PREX2: variants seen among roughly 807,000 people sequenced by gnomAD.
The protein encoded by PREX2 is phosphatidylinositol 3,4,5-trisphosphate-dependent Rac exchanger 2 protein.
PREX2 carries 107 observed loss-of-function variants against 203.2 expected under a neutral mutation model. The observed-to-expected ratio is 0.53, with a 90% CI of 0.45 to 0.62. The LOEUF (loss-of-function observed/expected upper bound fraction) is 0.62, where lower values mean the gene tolerates loss of function less well. Among genes scored for constraint, PREX2 ranks in the 20% least tolerant of loss-of-function variants. PREX2 has a pLI of 0.00. For synonymous variants in PREX2, 672 were observed against 663.6 expected (o/e 1.01, Z -0.19); for missense variants, 1,777 against 1,955.9 (o/e 0.91, Z 1.72).
At chr8:67,997,610 C>A (rs1806805134) in intron 1 of PREX2, among the ~76,000 whole-genome samples, 7 of 151,828 alleles carry the variant, frequency 4.6e-5, no homozygotes, top group Admixed American at 3.9e-4. Flanking sequence ...TTTTGTTTTT[C>A]TCTATAAAAT....
At chr8:68,073,462 G>A (rs2129611693) in intron 14 of PREX2, among the ~76,000 whole-genome samples, 1 of 151,862 alleles carries the variant, frequency 6.6e-6, no homozygotes, top group African/African-American at 2.4e-5. Flanking sequence ...TTTATTTTTT[G>A]TTTCAGTTGT....
chr8:67,975,858 C>T (rs904709262), intron 1 of PREX2, among the ~76,000 whole-genome samples: 1 of 148,422 alleles, frequency 6.7e-6, no homozygotes, highest in Non-Finnish European at 1.5e-5. Context: ...CGTGTGCCAC[C>T]ATGCCCGGCT....
Position 68,145,843 on chromosome 8 carries a change from A to G in PREX2, c.4088-366A>G, listed in dbSNP as rs563181184. On this transcript the variant is annotated intron_variant, in intron 33 of 39. Transcript: ENST00000288368. Reference sequence around the variant, plus strand: ...ATTTCTTGCACACTACTTAAGAAGTATACCCCAAGGACTCATTCTGACTAA... The same window carrying G: ...ATTTCTTGCACACTACTTAAGAAGTGTACCCCAAGGACTCATTCTGACTAA... 5.3e-4 allele frequency among the ~76,000 whole-genome samples: 80 copies of G among 152,248 alleles called. 1 individual carries two copies. The highest frequency in any genetic ancestry group is 9.9e-4 in the Non-Finnish European group (67 of 68,016).
intron 5 of PREX2, among the ~76,000 whole-genome samples, chr8:68,029,686 A>T (rs374182355): frequency 6.6e-6 from 1 of 152,312 alleles, no homozygotes. Context: ...AAGGAAACAC[A>T]TGACTAATTA....
chr8:68,175,278 G>A (rs1197624058), intron 35 of PREX2, among the ~76,000 whole-genome samples: 1 of 152,174 alleles, frequency 6.6e-6, no homozygotes, highest in South Asian at 2.1e-4. Flanking sequence ...GGGGCTGAAA[G>A]TGAAGTTGGG....
chr8:68,038,257 C>T lies in PREX2; in HGVS notation c.804C>T (p.Phe268=), dbSNP rs752960180. 20 of 1,613,554 alleles carry T rather than the reference C, an allele frequency of 1.2e-5. 1 individual carries two copies. The highest frequency in any genetic ancestry group is 9.3e-5 in the African/African-American group (7 of 74,868). Residue 268 remains phenylalanine (F), a synonymous_variant, in exon 7 of 40, where the codon TTC becomes TTT. Transcript: ENST00000288368. ...GNIQERVFFL[F]DNLLVYCKRK... ...TTCAAGAACGGGTGTTTTTTCTTTT[C>T]GATAATCTTTTGGTGTACTGCAAAA...
intron 8 of PREX2, among the ~76,000 whole-genome samples, chr8:68,045,846 A>G (rs944458476): frequency 1.3e-5 from 2 of 152,086 alleles, no homozygotes; most frequent in Non-Finnish European, 2.9e-5. Flanking sequence ...CCATAGCAGG[A>G]TGTACACATT....
chr8:68,224,573 G>A lies in PREX2; in HGVS notation c.4722G>A (p.Gln1574=). ...CTGACTTTCAGGGAGCAAGAGTTCAGAACACAGCGAAGAATTTGGGAGTCA... is the reference window on the plus strand; with the variant it reads ...CTGACTTTCAGGGAGCAAGAGTTCAAAACACAGCGAAGAATTTGGGAGTCA... ...DVMRKQGARV[Q]NTAKNLGVRD... Residue 1574 remains glutamine, a synonymous_variant, in exon 39 of 40, where the codon CAG becomes CAA. Coordinates refer to ENST00000288368, the MANE Select transcript of PREX2 (RefSeq NM_024870.4). 6.2e-7 allele frequency: 1 copy of A among 1,613,800 alleles called. No individual in the cohort carries two copies. Among genetic ancestry groups the A allele is most frequent in the East Asian group, 2.2e-5 (1 of 44,858 alleles).
intron 6 of PREX2, among the ~76,000 whole-genome samples, chr8:68,034,652 A>C (rs1028171087): frequency 1.3e-5 from 2 of 152,206 alleles, no homozygotes; most frequent in Admixed American, 6.5e-5. Flanking sequence ...ACATTTCTTT[A>C]CTACCTTTTT....
At chr8:68,146,384 C>T (rs764658806) in intron 34 of PREX2, 32 bp downstream of exon 34, 15 of 1,541,948 alleles carry the variant, frequency 9.7e-6, no homozygotes, top group Admixed American at 2.0e-5. Context: ...GGCTGCTATA[C>T]TTTAATTATT....
At chr8:68,109,073 A>C (rs535885856) in intron 24 of PREX2, 2 of 434,164 alleles carry the variant, frequency 4.6e-6, no homozygotes, top group African/African-American at 4.1e-5. Context: ...GAGAAGATGA[A>C]GGTCAAAGGA....
At chr8:68,145,141 C>G (rs1811300776) in intron 33 of PREX2, among the ~76,000 whole-genome samples, 1 of 152,082 alleles carries the variant, frequency 6.6e-6, no homozygotes, top group Non-Finnish European at 1.5e-5. Context: ...AAGATTTTCC[C>G]AATTATTCAA....
intron 27 of PREX2, 82 bp downstream of exon 27, chr8:68,118,726 C>T: frequency 1.0e-6 from 1 of 1,002,366 alleles, no homozygotes. Context: ...TTCGTAGATC[C>T]ATATGAATTT....
Position 67,994,937 on chromosome 8 carries a change from G to A in PREX2, c.142-22909G>A, listed in dbSNP as rs541302969. Reference sequence around the variant, plus strand: ...TGCTAAGGAGTTCTACATGGTTTTAGTATAATTCAGGACGTTTATATTTCT... The same window carrying A: ...TGCTAAGGAGTTCTACATGGTTTTAATATAATTCAGGACGTTTATATTTCT... On this transcript the variant is annotated intron_variant, in intron 1 of 39. Coordinates refer to ENST00000288368, the MANE Select transcript of PREX2 (RefSeq NM_024870.4). Among the ~76,000 whole-genome samples, 4 of 152,276 alleles carry A rather than the reference G, an allele frequency of 2.6e-5. No individual in the cohort carries two copies. In the South Asian group the frequency reaches 8.3e-4, roughly 32 times the overall value.
At chr8:67,999,470 C>A (rs927458172) in intron 1 of PREX2, among the ~76,000 whole-genome samples, 2 of 36,848 alleles carry the variant, frequency 5.4e-5, no homozygotes, top group South Asian at 1.4e-3. Flanking sequence ...AATAAATAGC[C>A]AACAAACCAA....
At chr8:67,959,471 C>T (rs1563470577) in intron 1 of PREX2, among the ~76,000 whole-genome samples, 3 of 152,024 alleles carry the variant, frequency 2.0e-5, no homozygotes, top group African/African-American at 7.3e-5. Context: ...ATGGGTAAGG[C>T]AGATGAGCCT....
At chr8:68,095,637 C>A (rs1174369158) in intron 21 of PREX2, among the ~76,000 whole-genome samples, 5 of 105,258 alleles carry the variant, frequency 4.8e-5, no homozygotes, top group Non-Finnish European at 9.7e-5. Context: ...CTTTCCTTTC[C>A]ATTTTTTTTT....
At chr8:68,030,371 A>C in intron 5 of PREX2, 126 bp from the exon 6 acceptor site, 1 of 765,310 alleles carries the variant, frequency 1.3e-6, no homozygotes, top group Non-Finnish European at 2.0e-6. Flanking sequence ...TCTTAGAGGA[A>C]TTTGTGATGT....
At chr8:68,069,928 T>C (rs768720669) in intron 13 of PREX2, 44 bp downstream of exon 13, 13 of 1,120,228 alleles carry the variant, frequency 1.2e-5, no homozygotes, top group South Asian at 5.7e-5. Flanking sequence ...ATGGAAATAT[T>C]TGTACTATGT....
Sources: gnomAD v4.1 joint callset for allele counts (sites outside exome capture counted in the v4.1 genomes callset) on GRCh38, gnomAD v4.1.1 for gene constraint, MANE v1.5 for transcripts, NCBI Gene and HGNC (gene_info 2026-07-23, HGNC 2026-07-21) for gene names.